Variants in C8orf34 observed in about 807,000 individuals in gnomAD.
C8orf34 encodes the protein chromosome 8 open reading frame 34.
In C8orf34, 65 loss-of-function variants were observed where a neutral mutation model predicts 68.3. The ratio of observed to expected loss-of-function variants is 0.95; its 90% confidence interval spans 0.78 to 1.17. The LOEUF (loss-of-function observed/expected upper bound fraction) is 1.17. Among genes scored for constraint, C8orf34 ranks in the 50% most tolerant of loss-of-function variants. The probability of loss-of-function intolerance (pLI) is 0.00; values close to 1 mark genes in which losing one functional copy is unlikely to be tolerated. For missense variants in C8orf34, 664 were observed against 655.4 expected, an observed-to-expected ratio of 1.01 and a Z score of -0.14; for synonymous variants, 244 against 241.2, an observed-to-expected ratio of 1.01 and a Z score of -0.11.
At chr8:68,517,627 A>G (rs1431839883) in intron 5 of C8orf34, among the ~76,000 whole-genome samples, 1 of 152,230 alleles carries the variant, frequency 6.6e-6, no homozygotes, top group Non-Finnish European at 1.5e-5. Context: ...TACATCTACC[A>G]TTGCATTTGA....
intron 8 of C8orf34, among the ~76,000 whole-genome samples, chr8:68,663,910 G>A (rs1236231423): frequency 6.6e-6 from 1 of 152,184 alleles, no homozygotes; most frequent in Non-Finnish European, 1.5e-5. Flanking sequence ...CAAAGAAAGT[G>A]ACTTTTACTC....
chr8:68,809,290 G>A (rs1339636777), intron 12 of C8orf34, among the ~76,000 whole-genome samples: 2 of 152,186 alleles, frequency 1.3e-5, no homozygotes, highest in African/African-American at 4.8e-5. Flanking sequence ...TGTAAAACTA[G>A]AGCTCATTTT....
chr8:68,718,076 T>C (rs1821528978), intron 9 of C8orf34, among the ~76,000 whole-genome samples: 1 of 152,162 alleles, frequency 6.6e-6, no homozygotes, highest in African/African-American at 2.4e-5. Context: ...TTCCCTCCCT[T>C]CTCTGCCTAT....
intron 1 of C8orf34, among the ~76,000 whole-genome samples, chr8:68,353,068 G>C (rs1251510121): frequency 1.3e-5 from 2 of 152,052 alleles, no homozygotes; most frequent in African/African-American, 4.8e-5. Context: ...CCTTTTGAAA[G>C]TACAGAAGTT....
chr8:68,398,688 G>T (rs1484708582), intron 1 of C8orf34, among the ~76,000 whole-genome samples: 2 of 152,108 alleles, frequency 1.3e-5, no homozygotes, highest in African/African-American at 2.4e-5. Flanking sequence ...GGACAGAGAA[G>T]AATTCACATA....
intron 1 of C8orf34, among the ~76,000 whole-genome samples, chr8:68,341,224 G>A (rs1377201972): frequency 1.3e-5 from 2 of 152,154 alleles, no homozygotes; most frequent in African/African-American, 4.8e-5. Flanking sequence ...GGGCAAAGGA[G>A]CTCTCTTGGG....
chr8:68,590,734 T>G (rs541416440), intron 7 of C8orf34, among the ~76,000 whole-genome samples: 1 of 152,306 alleles, frequency 6.6e-6, no homozygotes, highest in South Asian at 2.1e-4. Context: ...CGCACAGCGT[T>G]TAGCTCAGAG....
intron 7 of C8orf34, among the ~76,000 whole-genome samples, chr8:68,614,884 TG>T (rs1818150057): frequency 6.6e-6 from 1 of 151,788 alleles, no homozygotes; most frequent in Admixed American, 6.6e-5. Context: ...TTGGGCAGTA[TG>T]GCCATTTTCA....
chr8:68,512,421 C>G (rs1814315945), intron 5 of C8orf34, among the ~76,000 whole-genome samples: 2 of 152,004 alleles, frequency 1.3e-5, no homozygotes, highest in African/African-American at 4.8e-5. Flanking sequence ...TTGAACCATT[C>G]AAAAAGCCAG....
chr8:68,697,350 G>T (rs1820865003), intron 8 of C8orf34, among the ~76,000 whole-genome samples: 1 of 151,972 alleles, frequency 6.6e-6, no homozygotes, highest in East Asian at 1.9e-4. Flanking sequence ...TAAGATATAG[G>T]AATTGGTATA....
intron 5 of C8orf34, among the ~76,000 whole-genome samples, chr8:68,494,446 G>A (rs1019305813): frequency 2.6e-5 from 4 of 152,136 alleles, no homozygotes; most frequent in South Asian, 2.1e-4. Flanking sequence ...GCCCAACATT[G>A]GTTCGCACAG....
intron 10 of C8orf34, among the ~76,000 whole-genome samples, chr8:68,745,047 C>G (rs200452384): frequency 3.9e-5 from 6 of 152,036 alleles, no homozygotes; most frequent in Non-Finnish European, 8.8e-5. Flanking sequence ...CGGCAGAAAC[C>G]CTACAAGCCA....
intron 3 of C8orf34, among the ~76,000 whole-genome samples, chr8:68,464,581 G>A (rs1486684017): frequency 4.6e-5 from 7 of 152,202 alleles, no homozygotes. Flanking sequence ...AAAACAGCAT[G>A]GTACTGGTAC....
chr8:68,402,639 G>T (rs896488060), intron 1 of C8orf34, among the ~76,000 whole-genome samples: 1 of 151,866 alleles, frequency 6.6e-6, no homozygotes, highest in Admixed American at 6.6e-5. Context: ...TTAAACATTT[G>T]TATCTTTGTT....
intron 8 of C8orf34, among the ~76,000 whole-genome samples, chr8:68,706,671 A>C (rs1821175914): frequency 6.6e-6 from 1 of 152,208 alleles, no homozygotes; most frequent in Non-Finnish European, 1.5e-5. Context: ...GTGGAAGGGA[A>C]GATCTCCAAA....
intron 5 of C8orf34, among the ~76,000 whole-genome samples, chr8:68,514,539 A>AT (rs1310750076): frequency 6.6e-6 from 1 of 152,022 alleles, no homozygotes; most frequent in Admixed American, 6.6e-5. Flanking sequence ...CCCACAGGTT[A>AT]TTTTCTCCTA....
At chr8:68,536,935 G>A (rs1005419453) in intron 7 of C8orf34, among the ~76,000 whole-genome samples, 1 of 152,094 alleles carries the variant, frequency 6.6e-6, no homozygotes. Context: ...GCTGAATATA[G>A]TCATTGAGTT....
chr8:68,655,352 G>A (rs144700570), intron 8 of C8orf34, among the ~76,000 whole-genome samples: 3 of 152,212 alleles, frequency 2.0e-5, no homozygotes, highest in East Asian at 3.9e-4. Flanking sequence ...CTCAGTTTTA[G>A]TATAAAATAT....
intron 5 of C8orf34, among the ~76,000 whole-genome samples, chr8:68,512,181 T>G (rs1814304637): frequency 6.6e-6 from 1 of 152,230 alleles, no homozygotes; most frequent in Admixed American, 6.5e-5. Context: ...CAAAGAAGTT[T>G]GGTTATCTTT....
Sources: allele counts gnomAD v4.1 joint callset (sites outside exome capture counted in the v4.1 genomes callset), GRCh38; gene constraint gnomAD v4.1.1; transcripts MANE v1.5; gene names NCBI Gene and HGNC (gene_info 2026-07-23, HGNC 2026-07-21).